Variants in HTRA3 observed in about 807,000 individuals in gnomAD.
The protein encoded by HTRA3 is serine protease HTRA3.
Under a neutral mutation model 43.2 loss-of-function variants are expected in HTRA3, and 41 were observed. The ratio of observed to expected loss-of-function variants is 0.95; its 90% CI spans 0.74 to 1.23. HTRA3 has a LOEUF of 1.23. Among genes scored for constraint, HTRA3 ranks in the 50% most tolerant of loss-of-function variants. The pLI, the probability that HTRA3 is intolerant of heterozygous loss-of-function variation, is 0.00. For missense variants in HTRA3, 628 were observed against 647.1 expected (o/e 0.97, Z 0.32); for synonymous variants, 295 against 287.9 (o/e 1.02, Z -0.25).
rs1310517475 is a variant in HTRA3 at position 8,304,216 on chromosome 4, A to G, written c.1133A>G (p.Asp378Gly). Reference sequence around the variant, plus strand: ...GATGAGCTGAAGGCCAGCAACCCGGACTTCCCAGAGGTCAGCAGTGGAATT... The same window carrying G: ...GATGAGCTGAAGGCCAGCAACCCGGGCTTCCCAGAGGTCAGCAGTGGAATT... ...LVDELKASNP[D>G]FPEVSSGIYV... Residue 378 changes from aspartate (D) to glycine (G), a missense_variant, in exon 8 of 9, where the codon GAC (aspartate) becomes GGC (glycine). Physicochemically the swap from Asp to Gly is moderately conservative, Grantham distance 94. Coordinates refer to ENST00000307358, the MANE Select transcript of HTRA3 (RefSeq NM_053044.5). 2 of 1,613,986 alleles carry G rather than the reference A, an allele frequency of 1.2e-6. No individual in the cohort carries two copies. Among genetic ancestry groups the G allele is most frequent in the African/African-American group, 2.7e-5 (2 of 74,890 alleles).
Position 8,296,619 on chromosome 4 carries a change from G to A in HTRA3, c.1051+2418G>A, listed in dbSNP as rs1263418081. 1.3e-6 allele frequency: 1 copy of A among 791,856 alleles called. No individual in the cohort carries two copies. Among genetic ancestry groups the A allele is most frequent in the Admixed American group, 6.2e-5 (1 of 16,020 alleles). The allele number at this position is 791,856 out of a possible 1,614,324, so 49.1% of individuals were successfully genotyped here. On this transcript the variant is annotated intron_variant, in intron 6 of 8. Coordinates refer to ENST00000307358, the MANE Select transcript of HTRA3 (RefSeq NM_053044.5). This position sits in a 1 kb window ranked among gnomAD's most constrained non-coding sequence, Gnocchi z 5.3. ...GTAAAGAGTGGCCACCATGCATGTTGGGGGAGCCCCAGGAGGGCTTGGGGT... is the reference window on the plus strand; with the variant it reads ...GTAAAGAGTGGCCACCATGCATGTTAGGGGAGCCCCAGGAGGGCTTGGGGT...
intron 6 of HTRA3, among the ~76,000 whole-genome samples, chr4:8,301,849 C>G (rs1713665771): frequency 6.6e-6 from 1 of 152,072 alleles, no homozygotes; most frequent in Admixed American, 6.5e-5. Context: ...TTATTGATTT[C>G]TAATTGTGGT....
chr4:8,270,606 T>C (rs1712230158), intron 1 of HTRA3, among the ~76,000 whole-genome samples: 1 of 152,176 alleles, frequency 6.6e-6, no homozygotes, highest in African/African-American at 2.4e-5. Context: ...AGGGGCCTCA[T>C]CTAGGACTGT....
intron 6 of HTRA3, among the ~76,000 whole-genome samples, chr4:8,294,445 C>T (rs1713365112): frequency 6.6e-6 from 1 of 151,908 alleles, no homozygotes. Context: ...CCCTGCCCCT[C>T]CAAGGCTGTC....
At chr4:8,291,342 C>T (rs1203236705) in intron 3 of HTRA3, 28 bp from the exon 4 acceptor site, 1 of 1,602,412 alleles carries the variant, frequency 6.2e-7, no homozygotes, top group Non-Finnish European at 8.5e-7. Context: ...AAGCCTCCCT[C>T]TCTGTGTCTT....
rs753159872 is a variant in HTRA3 at position 8,270,215 on chromosome 4, T to C, written c.247T>C (p.Cys83Arg). 3.9e-6 allele frequency: 6 copies of C among 1,538,444 alleles called. No individual in the cohort carries two copies. Among genetic ancestry groups the C allele is most frequent in the Admixed American group, 3.8e-5 (2 of 52,236 alleles). The change falls in exon 1 of 9, where the codon TGC (cysteine) becomes CGC (arginine). Residue 83 changes from cysteine (C) to arginine (R), a missense_variant. Cys to Arg is a radical substitution (Grantham distance 180). Transcript: ENST00000307358. ...SLECVRGLCR[C>R]RWSHAVCGTD... The stretch of plus-strand genomic sequence containing the variant: ...GGAGTGCGTGCGCGGCCTATGCCGC[T>C]GCCGCTGGTCGCACGCCGTGTGTGG...
rs1268748735 is a variant in HTRA3 at position 8,302,513 on chromosome 4, T to G, written c.1100+2T>G. On this transcript the variant is annotated splice_donor_variant, in intron 7 of 8. Transcript: ENST00000307358. LOFTEE classifies it high-confidence loss of function. ...ACGGATGCGGACGATCACACCAAGGTGAGTGTCTGAAGAGTGCCATCCCCT... is the reference window on the plus strand; with the variant it reads ...ACGGATGCGGACGATCACACCAAGGGGAGTGTCTGAAGAGTGCCATCCCCT... 6.2e-7 allele frequency: 1 copy of G among 1,613,560 alleles called. No individual in the cohort carries two copies. Among genetic ancestry groups the G allele is most frequent in the Non-Finnish European group, 8.5e-7 (1 of 1,179,816 alleles).
rs189724760 is a variant in HTRA3, at chr4:8,301,562, T to A, written c.1052-901T>A. 2.3e-4 allele frequency among the ~76,000 whole-genome samples: 35 copies of A among 152,302 alleles called. 1 individual carries two copies. In the East Asian group the frequency reaches 3.9e-3, roughly 17 times the overall value. ...TTATTGATTCAGACTTTTAATTATT[T>A]TTTTTCTTCTGGTTATTCTAGGTTT... On this transcript the variant is annotated intron_variant, in intron 6 of 8. Coordinates refer to ENST00000307358, the MANE Select transcript of HTRA3 (RefSeq NM_053044.5).
In HTRA3 at chr4:8,286,865, A is replaced by C; in HGVS notation, c.708+82A>C. The stretch of plus-strand genomic sequence containing the variant: ...TCCCAGACGCCGGAACCCAGAGGCA[A>C]GCTAGCCCCACCTTCCATCAGCCAG... On this transcript the variant is annotated intron_variant, in intron 3 of 8. Transcript: ENST00000307358. The surrounding 1 kb of genome is among the most constrained non-coding windows in gnomAD (Gnocchi z 4.9). 1 of 1,035,112 alleles carries C rather than the reference A, an allele frequency of 9.7e-7. No homozygotes were observed. Among genetic ancestry groups the C allele is most frequent in the Non-Finnish European group, 1.4e-6 (1 of 697,364 alleles). The allele number at this position is 1,035,112 out of a possible 1,614,324, so 64.1% of individuals were successfully genotyped here.
At position 8,279,468 on chromosome 4, in the gene HTRA3, A is replaced by C. The variant is rs529431558; in HGVS notation, c.386-2969A>C. 1.4e-3 allele frequency among the ~76,000 whole-genome samples: 208 copies of C among 152,066 alleles called. 1 individual carries two copies. Among genetic ancestry groups the C allele is most frequent in the Non-Finnish European group, 6.2e-4 (42 of 67,992 alleles). Reference sequence around the variant, plus strand: ...AGGCCGCAGTGCTGTGCAGATCTTCAGGCTGCCGCGTCAGAGCTCAGGGGC... The same window carrying C: ...AGGCCGCAGTGCTGTGCAGATCTTCCGGCTGCCGCGTCAGAGCTCAGGGGC... On this transcript the variant is annotated intron_variant, in intron 1 of 8. Transcript: ENST00000307358. This position sits in a 1 kb window ranked among gnomAD's most constrained non-coding sequence, Gnocchi z 7.4.
chr4:8,304,386 C>A, intron 8 of HTRA3, 107 bp downstream of exon 8: 2 of 808,742 alleles, frequency 2.5e-6, no homozygotes, highest in East Asian at 2.6e-5. Context: ...GCAAAGTGAC[C>A]GGGAAGGGGC....
chr4:8,280,683 C>A (rs746710787), intron 1 of HTRA3, among the ~76,000 whole-genome samples: 13 of 152,098 alleles, frequency 8.5e-5, no homozygotes, highest in Non-Finnish European at 1.3e-4. Flanking sequence ...GACCTCTGAA[C>A]CTGAGACCCC....
At chr4:8,292,275 C>T in intron 4 of HTRA3, 46 bp from the exon 5 acceptor site, 1 of 1,590,912 alleles carries the variant, frequency 6.3e-7, no homozygotes, top group Non-Finnish European at 8.6e-7. Context: ...TCCAGGAAGC[C>T]TCAGGCGGGG....
chr4:8,299,841 C>CTTT (rs34414197), intron 6 of HTRA3, among the ~76,000 whole-genome samples: 3 of 140,708 alleles, frequency 2.1e-5, no homozygotes, highest in Non-Finnish European at 3.1e-5. Flanking sequence ...ATGTATTATC[C>CTTT]TTTTTTTTTT....
chr4:8,280,564 C>T (rs1712703630), intron 1 of HTRA3, among the ~76,000 whole-genome samples: 1 of 152,188 alleles, frequency 6.6e-6, no homozygotes, highest in African/African-American at 2.4e-5. Context: ...AAGGGAGCCG[C>T]CTGCTTTGTA....
intron 6 of HTRA3, among the ~76,000 whole-genome samples, chr4:8,300,982 TTTA>T (rs201120282): frequency 3.7e-4 from 55 of 148,772 alleles, no homozygotes; most frequent in African/African-American, 1.3e-3. Context: ...CACACTCATC[TTTA>T]TTATTGATTC....
intron 6 of HTRA3, among the ~76,000 whole-genome samples, chr4:8,301,583 GGTTTT>G (rs1713659736): frequency 6.6e-6 from 1 of 151,922 alleles, no homozygotes; most frequent in African/African-American, 2.4e-5. Context: ...GGTTATTCTA[GGTTTT>G]ATTTGGTCTT....
Position 8,269,899 on chromosome 4 carries a change from A to T in HTRA3, c.-70A>T. 1.3e-6 allele frequency: 1 copy of T among 764,472 alleles called. No homozygotes were observed. The highest frequency in any genetic ancestry group is 1.6e-6 in the Non-Finnish European group (1 of 624,410). The allele number at this position is 764,472 out of a possible 1,614,324, so 47.4% of individuals were successfully genotyped here. On this transcript the variant is annotated 5_prime_UTR_variant, in exon 1 of 9. Transcript: ENST00000307358. ...GTAGGCGCCCGGCGCCCGGCCCCGC[A>T]GCGGCCTCGTTGTCCCCGCCGGCCC...
chr4:8,278,177 T>A (rs902928119), intron 1 of HTRA3, among the ~76,000 whole-genome samples: 9 of 152,088 alleles, frequency 5.9e-5, no homozygotes, highest in Non-Finnish European at 1.3e-4. Flanking sequence ...TCTCTCAGGG[T>A]TGGCCACAGT....
Sources: allele counts gnomAD v4.1 joint callset (sites outside exome capture counted in the v4.1 genomes callset), GRCh38; gene constraint gnomAD v4.1.1; non-coding constraint Gnocchi (gnomAD v3.1); transcripts MANE v1.5; gene names NCBI Gene and HGNC (gene_info 2026-07-23, HGNC 2026-07-21).